The following HSPA4L variants were observed in gnomAD, a reference collection of about 807,000 sequenced individuals.
HSPA4L encodes heat shock 70 kDa protein 4L.
HSPA4L carries 48 observed loss-of-function variants against 100.3 expected under a neutral mutation model. The observed-to-expected ratio is 0.48, with a 90% confidence interval of 0.38 to 0.61. HSPA4L has a LOEUF of 0.61. Among genes scored for constraint, HSPA4L ranks in the 20% least tolerant of loss-of-function variants. HSPA4L has a pLI of 0.00. For synonymous variants in HSPA4L, 319 were observed against 328.2 expected (o/e 0.97, Z 0.30); for missense variants, 886 against 988.6 (o/e 0.90, Z 1.39).
intron 1 of HSPA4L, among the ~76,000 whole-genome samples, chr4:127,785,531 G>A (rs545354370): frequency 1.3e-5 from 2 of 151,958 alleles, no homozygotes; most frequent in East Asian, 3.9e-4. Flanking sequence ...TCCGCCTCCT[G>A]GGTTCAAGCG....
At chr4:127,803,976 C>T in intron 7 of HSPA4L, 35 bp from the exon 8 acceptor site, 1 of 1,608,580 alleles carries the variant, frequency 6.2e-7, no homozygotes, top group Admixed American at 1.7e-5. Flanking sequence ...AACTTTTAAT[C>T]CCAGAATAAT....
At chr4:127,818,568 T>TAAATAAATAA (rs1733733754) in intron 13 of HSPA4L, 148 bp downstream of exon 13, 8 of 496,824 alleles carry the variant, frequency 1.6e-5, no homozygotes, top group Non-Finnish European at 2.1e-5. Flanking sequence ...AAATATACTT[T>TAAATAAATAA]AATGATTTAT....
chr4:127,825,511 A>G (rs1470358459), intron 16 of HSPA4L, among the ~76,000 whole-genome samples: 1 of 152,198 alleles, frequency 6.6e-6, no homozygotes. Context: ...CTGTGCAAAA[A>G]ATTACCTTCA....
At chr4:127,799,211 C>G (rs886224055) in intron 4 of HSPA4L, among the ~76,000 whole-genome samples, 1 of 152,062 alleles carries the variant, frequency 6.6e-6, no homozygotes, top group Non-Finnish European at 1.5e-5. Context: ...AACTTGACTA[C>G]AAAAGTTCAA....
At chr4:127,783,174 C>T (rs1460985178) in intron 1 of HSPA4L, among the ~76,000 whole-genome samples, 1 of 134,232 alleles carries the variant, frequency 7.4e-6, no homozygotes, top group Non-Finnish European at 1.7e-5. Context: ...CATCTGGCCC[C>T]GAAAGCCTTT....
intron 1 of HSPA4L, among the ~76,000 whole-genome samples, chr4:127,787,959 G>T (rs1396172247): frequency 6.6e-6 from 1 of 152,132 alleles, no homozygotes; most frequent in Non-Finnish European, 1.5e-5. Context: ...TAGGTTGCAG[G>T]TAGTGGTAGT....
At chr4:127,790,752 AT>A (rs777861058) in intron 1 of HSPA4L, among the ~76,000 whole-genome samples, 3 of 152,224 alleles carry the variant, frequency 2.0e-5, no homozygotes, top group Non-Finnish European at 2.9e-5. Flanking sequence ...CCTAGATATT[AT>A]TACTGTCACT....
In HSPA4L at chr4:127,832,793, G is replaced by C. The variant is rs1734118564; in HGVS notation, c.2439G>C (p.Gln813His). ...AACACAATGGCCCAATGGATGGACAGAGTGGAACTGAAACTAAATCAGATT... is the reference window on the plus strand; with the variant it reads ...AACACAATGGCCCAATGGATGGACACAGTGGAACTGAAACTAAATCAGATT... ...NSEHNGPMDG[Q>H]SGTETKSDST... The change falls in exon 19 of 19, where the codon CAG (glutamine) becomes CAC (histidine). Residue 813 changes from glutamine (Q) to histidine (H), a missense_variant. Gln to His is a conservative substitution (Grantham distance 24, BLOSUM62 0). Transcript: ENST00000296464. 1 of 1,613,676 alleles carries C rather than the reference G, an allele frequency of 6.2e-7. No individual in the cohort carries two copies.
intron 1 of HSPA4L, among the ~76,000 whole-genome samples, chr4:127,789,368 C>T (rs770417419): frequency 3.3e-5 from 5 of 152,144 alleles, no homozygotes; most frequent in Non-Finnish European, 7.4e-5. Context: ...CGTCCCTGGC[C>T]GGGCACGGTG....
chr4:127,806,734 A>C (rs554446955), intron 10 of HSPA4L, among the ~76,000 whole-genome samples: 2 of 152,106 alleles, frequency 1.3e-5, no homozygotes, highest in South Asian at 2.1e-4. Context: ...ACTGCTTTTC[A>C]GAAGTATAGC....
chr4:127,794,205 G>A (rs777798162), intron 2 of HSPA4L, 71 bp downstream of exon 2: 2 of 1,202,884 alleles, frequency 1.7e-6, no homozygotes, highest in Non-Finnish European at 2.5e-6. Flanking sequence ...AGTTCCTTAA[G>A]TTATATTGTT....
rs1014775605 is a variant in HSPA4L, at chr4:127,822,887, C to T, written c.1931C>T (p.Thr644Ile). The change falls in exon 15 of 19, where the codon ACT becomes ATT. Residue 644 changes from threonine (T) to isoleucine (I), a missense_variant. Transcript: ENST00000296464. ...GGCACTGTCTATGAAAAATTCATCA[C>T]TCCAGAAGTAAGTCTAAATTCTGTT... ...RLGTVYEKFITPEDLSKLSAV... is the reference protein window; with the variant it reads ...RLGTVYEKFIIPEDLSKLSAV... 1.9e-6 allele frequency: 3 copies of T among 1,612,046 alleles called. No homozygotes were observed. Among genetic ancestry groups the T allele is most frequent in the South Asian group, 1.1e-5 (1 of 90,634 alleles).
chr4:127,820,160 T>G (rs1227438214), intron 13 of HSPA4L, among the ~76,000 whole-genome samples: 3 of 152,094 alleles, frequency 2.0e-5, no homozygotes, highest in Non-Finnish European at 4.4e-5. Flanking sequence ...CAACTAACAC[T>G]TATTATTTTA....
intron 12 of HSPA4L, chr4:127,813,425 G>A (rs1249956552): frequency 7.4e-6 from 3 of 407,574 alleles, no homozygotes; most frequent in Non-Finnish European, 1.3e-5. Flanking sequence ...TTTTGTAATC[G>A]CTTTCTTATT....
rs560229683 is a variant in HSPA4L at position 127,832,863 on chromosome 4, G to C, written c.2509G>C (p.Glu837Gln). ...GCATACTAAATCCTCTGGAGAGATGGAAGTGGACTAAGTCTTAATTTTACC... is the reference window on the plus strand; with the variant it reads ...GCATACTAAATCCTCTGGAGAGATGCAAGTGGACTAAGTCTTAATTTTACC... ...SQHTKSSGEM[E>Q]VD Residue 837 changes from glutamate (E) to glutamine (Q), a missense_variant, in exon 19 of 19, where the codon GAA becomes CAA. Coordinates refer to ENST00000296464, the MANE Select transcript of HSPA4L (RefSeq NM_014278.4). 6.9e-6 allele frequency: 11 copies of C among 1,598,908 alleles called. No individual in the cohort carries two copies. The highest frequency in any genetic ancestry group is 9.4e-6 in the Non-Finnish European group (11 of 1,173,552).
At chr4:127,832,017 C>T (rs992011017) in intron 18 of HSPA4L, among the ~76,000 whole-genome samples, 1 of 151,272 alleles carries the variant, frequency 6.6e-6, no homozygotes, top group Non-Finnish European at 1.5e-5. Flanking sequence ...CTAAAACATT[C>T]CCCTTAAGAT....
upstream of HSPA4L, chr4:127,782,047 G>A (rs1233947712): frequency 4.4e-6 from 2 of 454,816 alleles, no homozygotes; most frequent in African/African-American, 4.0e-5. Context: ...GCCGAGCGAG[G>A]GCGAGCAAGC....
intron 12 of HSPA4L, among the ~76,000 whole-genome samples, chr4:127,815,424 G>A (rs1389612683): frequency 1.3e-5 from 2 of 151,656 alleles, no homozygotes; most frequent in African/African-American, 4.8e-5. Flanking sequence ...TTTGGTTTGT[G>A]CCTATAGTTA....
Position 127,822,718 on chromosome 4 carries a change from A to C in HSPA4L, c.1813-51A>C, listed in dbSNP as rs147629226. The C allele has an allele frequency of 1.2e-3, 1,968 of 1,577,286 alleles. 10 individuals carry two copies. Among genetic ancestry groups the C allele is most frequent in the Middle Eastern group, 2.3e-3 (13 of 5,686 alleles). On this transcript the variant is annotated intron_variant, in intron 14 of 18. Transcript: ENST00000296464. ...GTGGTATCTTGTGGTTTTGATTTCT[A>C]TTTCCCTAATGCATATTCTTATGGC... is the stretch of plus-strand genomic sequence containing the variant.
Sources: gnomAD v4.1 joint callset for allele counts (sites outside exome capture counted in the v4.1 genomes callset) on GRCh38, gnomAD v4.1.1 for gene constraint, MANE v1.5 for transcripts, NCBI Gene and HGNC (gene_info 2026-07-23, HGNC 2026-07-21) for gene names.